Variants in FARP1 observed in about 807,000 individuals in gnomAD.
The protein encoded by FARP1 is FERM, ARH/RhoGEF and pleckstrin domain protein 1, also known as FERM, ARHGEF and pleckstrin domain-containing protein 1.
A neutral mutation model predicts 128.8 loss-of-function variants in FARP1; 52 were observed. The observed-to-expected ratio is 0.40, with a 90% CI of 0.32 to 0.51. The LOEUF (loss-of-function observed/expected upper bound fraction) is 0.51, where lower values mean the gene tolerates loss of function less well. FARP1 is among the 20% of genes least tolerant of loss of function. FARP1 has a pLI of 0.45. For missense variants in FARP1, 1,333 were observed against 1,367.9 expected (o/e 0.97, Z 0.40); for synonymous variants, 580 against 551.8 (o/e 1.05, Z -0.72).
chr13:98,263,616 A>G (rs981202119), intron 2 of FARP1, among the ~76,000 whole-genome samples: 8 of 152,260 alleles, frequency 5.3e-5, no homozygotes, highest in Non-Finnish European at 1.0e-4. Context: ...CAGTTTTTCA[A>G]TTAGCAATTG....
At chr13:98,385,011 G>T (rs1057187397) in intron 7 of FARP1, among the ~76,000 whole-genome samples, 167 bp downstream of exon 7, 9 of 152,126 alleles carry the variant, frequency 5.9e-5, no homozygotes, top group African/African-American at 2.2e-4. Flanking sequence ...ATTCATCCTG[G>T]GCTCTCAGAA....
intron 17 of FARP1, 91 bp downstream of exon 17, chr13:98,424,741 GC>G: frequency 2.3e-6 from 2 of 860,482 alleles, no homozygotes; most frequent in South Asian, 2.8e-5. Context: ...ATTTCCATCA[GC>G]ATGCATCACC....
In FARP1 at chr13:98,451,513, T is replaced by G. The variant is rs1385307522; in HGVS notation, c.*3196T>G. On this transcript the variant is annotated 3_prime_UTR_variant, in exon 27 of 27. Coordinates refer to ENST00000319562, the MANE Select transcript of FARP1 (RefSeq NM_005766.4). ...AATAAAATACCTCAATTTTAGAGCT[T>G]AAAAACCAGACTGCACTAGCAAACC... The G allele has an allele frequency of 6.6e-6, 1 of 152,134 alleles. No individual in the cohort carries two copies. Among genetic ancestry groups the G allele is most frequent in the African/African-American group, 2.4e-5 (1 of 41,424 alleles). 9.4% of individuals were successfully genotyped at this position (152,134 alleles called of 1,614,324 possible). A position where few individuals can be genotyped will look rare whatever the true frequency, so the allele number is the denominator to read the frequency against.
At chr13:98,208,309 T>C (rs1880420514) in intron 1 of FARP1, among the ~76,000 whole-genome samples, 1 of 121,148 alleles carries the variant, frequency 8.3e-6, no homozygotes, top group Non-Finnish European at 1.6e-5. Context: ...CCATCTCTAC[T>C]GGGGAGAAAA....
At chr13:98,379,797 T>C (rs1268109565) in intron 6 of FARP1, among the ~76,000 whole-genome samples, 4 of 152,208 alleles carry the variant, frequency 2.6e-5, no homozygotes. Context: ...AAAAAATATC[T>C]TAGATGTTTG....
chr13:98,244,927 A>G (rs1374830042), intron 2 of FARP1: 6 of 1,371,936 alleles, frequency 4.4e-6, no homozygotes, highest in Middle Eastern at 2.8e-4. Flanking sequence ...GGTTTGATCT[A>G]CTAGATTTGG....
intron 1 of FARP1, among the ~76,000 whole-genome samples, chr13:98,169,104 C>T (rs187015080): frequency 5.3e-5 from 8 of 152,174 alleles, no homozygotes; most frequent in African/African-American, 1.9e-4. Context: ...TAACTTGAAC[C>T]GACCTATCAG....
chr13:98,171,799 A>G (rs922799021), intron 1 of FARP1, among the ~76,000 whole-genome samples: 39 of 152,284 alleles, frequency 2.6e-4, no homozygotes, highest in African/African-American at 9.1e-4. Flanking sequence ...CTCCCCACCA[A>G]TGAGGTAGCC....
intron 2 of FARP1, among the ~76,000 whole-genome samples, chr13:98,287,777 G>A (rs1193240158): frequency 1.4e-5 from 2 of 147,828 alleles, no homozygotes; most frequent in Non-Finnish European, 3.0e-5. Flanking sequence ...TTGAAAACTG[G>A]TTATGCCATG....
intron 24 of FARP1, among the ~76,000 whole-genome samples, chr13:98,442,801 G>A (rs757626848): frequency 6.6e-6 from 1 of 152,204 alleles, no homozygotes; most frequent in Admixed American, 6.5e-5. Context: ...GAAGCCAGTC[G>A]ATGTGTGGCG....
intron 2 of FARP1, among the ~76,000 whole-genome samples, chr13:98,327,317 A>G (rs1347594807): frequency 6.6e-6 from 1 of 152,190 alleles, no homozygotes; most frequent in Non-Finnish European, 1.5e-5. Flanking sequence ...AAAATGTGTC[A>G]TCGAAACCCA....
intron 2 of FARP1, among the ~76,000 whole-genome samples, chr13:98,220,283 A>AGAGGTG (rs1172114351): frequency 6.6e-6 from 1 of 152,112 alleles, no homozygotes; most frequent in African/African-American, 2.4e-5. Flanking sequence ...TTCACACATA[A>AGAGGTG]GAGGTGGAGG....
intron 3 of FARP1, among the ~76,000 whole-genome samples, chr13:98,364,318 T>G (rs551907376): frequency 4.6e-5 from 7 of 152,160 alleles, no homozygotes; most frequent in Non-Finnish European, 1.0e-4. Flanking sequence ...CCTGGCCAAC[T>G]TTGGCTATTA....
At chr13:98,272,627 G>C (rs577736933) in intron 2 of FARP1, among the ~76,000 whole-genome samples, 97 of 152,156 alleles carry the variant, frequency 6.4e-4, no homozygotes, top group Non-Finnish European at 1.2e-3. Context: ...TCAGTTGGTA[G>C]TGGCTGCCTG....
rs888600847 is a variant in FARP1 at position 98,450,901 on chromosome 13, T to C, written c.*2584T>C. 6.6e-6 allele frequency: 1 copy of C among 152,148 alleles called. No homozygotes were observed. The highest frequency in any genetic ancestry group is 6.5e-5 in the Admixed American group (1 of 15,278). 9.4% of individuals were successfully genotyped at this position (152,148 alleles called of 1,614,324 possible). A position where few individuals can be genotyped will look rare whatever the true frequency, so the allele number is the denominator to read the frequency against. The stretch of plus-strand genomic sequence containing the variant: ...CAGAAAGTAACAGCCCAGGAGAGAA[T>C]GTACACAGAGGCGAGCTTTCTAACT... On this transcript the variant is annotated 3_prime_UTR_variant, in exon 27 of 27. Coordinates refer to ENST00000319562, the MANE Select transcript of FARP1 (RefSeq NM_005766.4).
intron 2 of FARP1, among the ~76,000 whole-genome samples, chr13:98,230,103 AC>A (rs1882028843): frequency 6.6e-6 from 1 of 151,698 alleles, no homozygotes; most frequent in Admixed American, 6.6e-5. Flanking sequence ...AGAAGTGGGC[AC>A]TCCCCTCCCC....
chr13:98,218,065 G>A (rs1038143957), intron 2 of FARP1, among the ~76,000 whole-genome samples: 1 of 152,144 alleles, frequency 6.6e-6, no homozygotes, highest in Admixed American at 6.5e-5. Flanking sequence ...TGAGATTCGC[G>A]GACTTCCTCT....
At chr13:98,413,005 G>A (rs1891247777) in intron 16 of FARP1, among the ~76,000 whole-genome samples, 2 of 152,246 alleles carry the variant, frequency 1.3e-5, no homozygotes, top group African/African-American at 2.4e-5. Flanking sequence ...CCTATGTGAG[G>A]TTGTCCTGCC....
Position 98,448,803 on chromosome 13 carries a change from C to CATTTT in FARP1, c.*487_*491dup, listed in dbSNP as rs58896682. Reference sequence around the variant, plus strand: ...AGCAAATGAGATCATTTTCAGATTTCATTTTTTTTTTCAGTCTTTCTACTT... The same window carrying CATTTT: ...AGCAAATGAGATCATTTTCAGATTTCATTTTATTTTTTTTTTCAGTCTTTCTACTT... On this transcript the variant is annotated 3_prime_UTR_variant, in exon 27 of 27. Transcript: ENST00000319562. The CATTTT allele has an allele frequency of 0.29, 43,717 of 151,334 alleles. 7,543 individuals are homozygous for CATTTT. Among genetic ancestry groups the CATTTT allele is most frequent in the East Asian group, 0.41 (2,104 of 5,138 alleles). 9.4% of individuals were successfully genotyped at this position (151,334 alleles called of 1,614,324 possible). A position where few individuals can be genotyped will look rare whatever the true frequency, so the allele number is the denominator to read the frequency against.
Sources: gnomAD v4.1 joint callset for allele counts (sites outside exome capture counted in the v4.1 genomes callset) on GRCh38, gnomAD v4.1.1 for gene constraint, MANE v1.5 for transcripts, NCBI Gene and HGNC (gene_info 2026-07-23, HGNC 2026-07-21) for gene names.